Variants in FLNB observed in about 807,000 individuals in gnomAD.
FLNB encodes the protein filamin B, also known as filamin-B.
A neutral mutation model predicts 250.6 loss-of-function variants in FLNB; 111 were observed. The ratio of observed to expected loss-of-function variants is 0.44; its 90% CI spans 0.38 to 0.52. The LOEUF is 0.52. Among genes scored for constraint, FLNB ranks in the 20% least tolerant of loss-of-function variants. FLNB has a pLI of 0.00. For missense variants in FLNB, 2,869 were observed against 3,447.8 expected, an observed-to-expected ratio of 0.83 and a Z score of 4.20; for synonymous variants, 1,302 against 1,372.1, an observed-to-expected ratio of 0.95 and a Z score of 1.13.
At chr3:58,120,764 C>T (rs143822793) in intron 19 of FLNB, among the ~76,000 whole-genome samples, 55 of 152,244 alleles carry the variant, frequency 3.6e-4, no homozygotes, top group South Asian at 4.1e-4. Context: ...AAATAAGAGA[C>T]GACAGTGTCA....
At chr3:58,129,648 T>G (rs1408933089) in intron 24 of FLNB, among the ~76,000 whole-genome samples, 1 of 152,214 alleles carries the variant, frequency 6.6e-6, no homozygotes, top group African/African-American at 2.4e-5. Context: ...GACTCAATTC[T>G]TTGTGTGTCT....
chr3:58,105,114 A>G lies in FLNB; in HGVS notation c.1645A>G (p.Met549Val). The G allele has an allele frequency of 6.2e-7, 1 of 1,614,252 alleles. No individual in the cohort carries two copies. The highest frequency in any genetic ancestry group is 1.1e-5 in the South Asian group (1 of 91,088). ...FEVQVGPEAG[M>V]QKVRAWGPGL... Reference sequence around the variant, plus strand: ...AGTTCAAGTTGGCCCTGAAGCGGGTATGCAGAAAGTCCGTGCTTGGGGCCC... The same window carrying G: ...AGTTCAAGTTGGCCCTGAAGCGGGTGTGCAGAAAGTCCGTGCTTGGGGCCC... The change falls in exon 11 of 46, where the codon ATG (methionine) becomes GTG (valine). Residue 549 changes from methionine (M) to valine (V), a missense_variant. By Grantham distance (21) the Met-to-Val change is conservative (BLOSUM62 1). Coordinates refer to ENST00000295956, the MANE Select transcript of FLNB (RefSeq NM_001457.4).
intron 1 of FLNB, among the ~76,000 whole-genome samples, chr3:58,059,730 C>T (rs1339245844): frequency 6.6e-6 from 1 of 152,180 alleles, no homozygotes; most frequent in African/African-American, 2.4e-5. Context: ...CTTACTGCCA[C>T]GACCGTTTAT....
At chr3:58,040,911 T>A (rs2106798724) in intron 1 of FLNB, among the ~76,000 whole-genome samples, 1 of 152,316 alleles carries the variant, frequency 6.6e-6, no homozygotes, top group Non-Finnish European at 1.5e-5. Context: ...TTTTTTTGGA[T>A]CATAGAATGG....
intron 1 of FLNB, among the ~76,000 whole-genome samples, chr3:58,010,427 C>A (rs539609295): frequency 2.7e-4 from 41 of 152,274 alleles, no homozygotes; most frequent in Middle Eastern, 3.4e-3. Flanking sequence ...ATGGCAGCCG[C>A]ACCACCCAGC....
intron 29 of FLNB, among the ~76,000 whole-genome samples, chr3:58,141,384 C>G (rs1397464408): frequency 6.6e-6 from 1 of 152,172 alleles, no homozygotes; most frequent in African/African-American, 2.4e-5. Flanking sequence ...ACTTTCATGC[C>G]TGGGGTCACA....
At chr3:58,166,547 A>C (rs1299741538) in intron 43 of FLNB, among the ~76,000 whole-genome samples, 1 of 152,196 alleles carries the variant, frequency 6.6e-6, no homozygotes, top group Non-Finnish European at 1.5e-5. Flanking sequence ...TTGGCCTGGC[A>C]CAGTGGCTCA....
intron 20 of FLNB, among the ~76,000 whole-genome samples, chr3:58,122,759 G>A (rs759960068): frequency 1.3e-5 from 2 of 152,194 alleles, no homozygotes; most frequent in Admixed American, 6.5e-5. Context: ...CTGGGATCTC[G>A]TGTATCTTTG....
At position 58,112,209 on chromosome 3, in the gene FLNB, C is replaced by T. The variant is rs138585649; in HGVS notation, c.2636C>T (p.Pro879Leu). ...TACACCAAGGGGGCTGGGAAAGCCC[C>T]GCTCAACGTGCAGTTCAACAGCCCT... is the stretch of plus-strand genomic sequence containing the variant. ...TVYTKGAGKA[P>L]LNVQFNSPLP... Residue 879 changes from proline to leucine, a missense_variant, in exon 18 of 46, where the codon CCG (proline) becomes CTG (leucine). Around this residue, in one of 5 missense-constraint regions of FLNB, gnomAD observed 1,348 missense variants for 1,466.7 expected, o/e 0.92. Coordinates refer to ENST00000295956, the MANE Select transcript of FLNB (RefSeq NM_001457.4). 2.4e-5 allele frequency: 38 copies of T among 1,614,030 alleles called. No individual in the cohort carries two copies. The highest frequency in any genetic ancestry group is 1.7e-4 in the Middle Eastern group (1 of 6,060).
At chr3:58,088,810 G>C (rs1459746337) in intron 4 of FLNB, among the ~76,000 whole-genome samples, 3 of 152,202 alleles carry the variant, frequency 2.0e-5, no homozygotes, top group African/African-American at 7.2e-5. Context: ...GGGGAGCCTA[G>C]GCTTTGACAA....
intron 20 of FLNB, among the ~76,000 whole-genome samples, chr3:58,122,753 G>A (rs926058924): frequency 6.6e-6 from 1 of 152,162 alleles, no homozygotes; most frequent in African/African-American, 2.4e-5. Flanking sequence ...CTCAACCTGG[G>A]ATCTCGTGTA....
At chr3:58,048,568 G>A (rs1004819673) in intron 1 of FLNB, among the ~76,000 whole-genome samples, 4 of 152,162 alleles carry the variant, frequency 2.6e-5, no homozygotes, top group Admixed American at 1.3e-4. Context: ...CTGTTACTTC[G>A]TGGTGCTAAG....
intron 17 of FLNB, 117 bp from the exon 18 acceptor site, chr3:58,112,032 C>A: frequency 8.3e-7 from 1 of 1,199,312 alleles, no homozygotes; most frequent in Non-Finnish European, 1.2e-6. Context: ...CAGTGGCTGG[C>A]CAGGCCCGTT....
intron 38 of FLNB, 51 bp downstream of exon 38, chr3:58,150,278 G>C: frequency 1.9e-6 from 3 of 1,612,140 alleles, no homozygotes; most frequent in Non-Finnish European, 2.5e-6. Flanking sequence ...CAGCCTTCAG[G>C]GCAGTGGGTG....
chr3:58,088,030 C>T (rs936134621), intron 4 of FLNB, among the ~76,000 whole-genome samples: 109 of 139,642 alleles, frequency 7.8e-4, no homozygotes, highest in Non-Finnish European at 2.4e-4. Context: ...TGAACCACGG[C>T]GCCCAGCCTT....
chr3:58,109,194 C>T lies in FLNB; in HGVS notation c.2071C>T (p.Arg691Cys), dbSNP rs776421446. 87 of 1,614,018 alleles carry T rather than the reference C, an allele frequency of 5.4e-5. No individual in the cohort carries two copies. The highest frequency in any genetic ancestry group is 1.3e-4 in the African/African-American group (10 of 74,916). The stretch of plus-strand genomic sequence containing the variant: ...TTTTTTGCAGGATGGGGAAGGCCAA[C>T]GCATTGACATCCAGATGAAGAACCG... ...KIFAQDGEGQ[R>C]IDIQMKNRMD... The change falls in exon 14 of 46, where the codon CGC (arginine) becomes TGC (cysteine). Residue 691 changes from arginine to cysteine, a missense_variant. Around this residue, in one of 5 missense-constraint regions of FLNB, gnomAD observed 1,348 missense variants for 1,466.7 expected, o/e 0.92. Coordinates refer to ENST00000295956, the MANE Select transcript of FLNB (RefSeq NM_001457.4).
At position 58,111,796 on chromosome 3, in the gene FLNB, C is replaced by T. The variant is rs770433624; in HGVS notation, c.2490C>T (p.Ile830=). 6.2e-7 allele frequency: 1 copy of T among 1,613,530 alleles called. No individual in the cohort carries two copies. Among genetic ancestry groups the T allele is most frequent in the African/African-American group, 1.3e-5 (1 of 74,916 alleles). Residue 830 remains isoleucine, a synonymous_variant, in exon 17 of 46, where the codon ATC becomes ATT. Coordinates refer to ENST00000295956, the MANE Select transcript of FLNB (RefSeq NM_001457.4). ...TIKVLFASQE[I]PASPFRVKVD... ...AGACTGTGTCTCTGCTACAGGAAAT[C>T]CCCGCCAGCCCTTTCAGAGTCAAAG...
intron 1 of FLNB, among the ~76,000 whole-genome samples, chr3:58,043,570 C>T (rs778249877): frequency 2.0e-5 from 3 of 152,128 alleles, no homozygotes; most frequent in Non-Finnish European, 4.4e-5. Flanking sequence ...AAGTTTCAAA[C>T]GGGTCTTCAG....
intron 14 of FLNB, 104 bp from the exon 15 acceptor site, chr3:58,109,472 G>A (rs2097264906): frequency 6.2e-7 from 1 of 1,602,324 alleles, no homozygotes; most frequent in Non-Finnish European, 8.5e-7. Context: ...AGGGCAGAGT[G>A]CTCCAGCCTG....
Sources: allele counts gnomAD v4.1 joint callset (sites outside exome capture counted in the v4.1 genomes callset), GRCh38; gene constraint gnomAD v4.1.1; regional missense constraint gnomAD v4.1.1; transcripts MANE v1.5; gene names NCBI Gene and HGNC (gene_info 2026-07-23, HGNC 2026-07-21).